TMEM52B: variants seen among roughly 807,000 people sequenced by gnomAD.
The protein encoded by TMEM52B is transmembrane protein 52B.
A neutral mutation model predicts 16.1 loss-of-function variants in TMEM52B; 11 were observed. The ratio of observed to expected loss-of-function variants is 0.68; its 90% CI spans 0.43 to 1.13. TMEM52B has a LOEUF of 1.13. Among genes scored for constraint, TMEM52B ranks in the 50% most tolerant of loss-of-function variants. The pLI is 0.00. For synonymous variants in TMEM52B, 101 were observed against 93.8 expected, an observed-to-expected ratio of 1.08 and a Z score of -0.45; for missense variants, 243 against 230.4, an observed-to-expected ratio of 1.05 and a Z score of -0.35.
At chr12:10,182,229 A>G in intron 1 of TMEM52B, 42 of 985,262 alleles carry the variant, frequency 4.3e-5, no homozygotes, top group Non-Finnish European at 5.1e-5. Flanking sequence ...CAATGGCAAT[A>G]TCCCAAGGGA....
chr12:10,172,056 T>A (rs1193435510), intron 1 of TMEM52B: 1 of 1,613,718 alleles, frequency 6.2e-7, no homozygotes, highest in Non-Finnish European at 8.5e-7. Flanking sequence ...ACAGTCTGGA[T>A]CTTTAGGTCA....
intron 1 of TMEM52B, among the ~76,000 whole-genome samples, chr12:10,181,043 G>A (rs555490844): frequency 6.6e-6 from 1 of 152,222 alleles, no homozygotes; most frequent in African/African-American, 2.4e-5. Context: ...CTGACCTCAA[G>A]TGATCCACCC....
At chr12:10,180,939 G>C (rs1483597558) in intron 1 of TMEM52B, among the ~76,000 whole-genome samples, 1 of 152,160 alleles carries the variant, frequency 6.6e-6, no homozygotes, top group Non-Finnish European at 1.5e-5. Context: ...CCAAGTAGCA[G>C]GGATTGCAGG....
In TMEM52B at chr12:10,191,084, G is replaced by C. The variant is rs1455242254; in HGVS notation, c.*944G>C. On this transcript the variant is annotated 3_prime_UTR_variant, in exon 5 of 5. Coordinates refer to ENST00000543484, the MANE Select transcript of TMEM52B (RefSeq NM_001384896.1). ...ATGCTGAACTAAGCCTGGTTGAGAT[G>C]CTTCCCATGGACCATGCCGCAGCAC... is the stretch of plus-strand genomic sequence containing the variant. 2 of 152,226 alleles carry C rather than the reference G, an allele frequency of 1.3e-5. No homozygotes were observed. The highest frequency in any genetic ancestry group is 6.5e-5 in the Admixed American group (1 of 15,278). The allele number at this position is 152,226 out of a possible 1,614,324, so 9.4% of individuals were successfully genotyped here. A position where few individuals can be genotyped will look rare whatever the true frequency, so the allele number is the denominator to read the frequency against.
intron 3 of TMEM52B, among the ~76,000 whole-genome samples, chr12:10,186,110 G>A (rs1263705822): frequency 2.0e-5 from 3 of 151,690 alleles, no homozygotes; most frequent in Admixed American, 6.6e-5. Context: ...GGCTGAGATC[G>A]TGCCACTTCA....
Position 10,189,978 on chromosome 12 carries a change from C to G in TMEM52B, c.390C>G (p.Ser130=). The G allele has an allele frequency of 3.1e-6, 5 of 1,614,184 alleles. No homozygotes were observed. Among genetic ancestry groups the G allele is most frequent in the Non-Finnish European group, 4.2e-6 (5 of 1,180,046 alleles). ...HSHSSLGQLP[S]SLDTLPGYEE... ...ACAGCTCCCTGGGCCAGCTGCCCTC[C>G]TCTTTGGACACCCTCCCAGGGTATG... The change falls in exon 5 of 5, where the codon TCC becomes TCG. Residue 130 remains serine (S), a synonymous_variant. Transcript: ENST00000543484.
chr12:10,187,532 G>T lies in TMEM52B; in HGVS notation c.307+943G>T, dbSNP rs948958242. Among the ~76,000 whole-genome samples the T allele has an allele frequency of 2.0e-5, 3 of 152,170 alleles. No homozygotes were observed. The South Asian group carries it at 6.2e-4, about 32-fold the overall frequency. ...AGATTCTCATGCCTCAGCCTCCTGAGTAGCTGGGATTACAAGCAGCCACCA... is the reference window on the plus strand; with the variant it reads ...AGATTCTCATGCCTCAGCCTCCTGATTAGCTGGGATTACAAGCAGCCACCA... On this transcript the variant is annotated intron_variant, in intron 4 of 4. Coordinates refer to ENST00000543484, the MANE Select transcript of TMEM52B (RefSeq NM_001384896.1).
rs1315236368 is a variant in TMEM52B, at chr12:10,190,398, G to A, written c.*258G>A. The A allele has an allele frequency of 6.8e-6, 3 of 440,712 alleles. No individual in the cohort carries two copies. The highest frequency in any genetic ancestry group is 4.0e-5 in the African/African-American group (2 of 50,380). 27.3% of individuals were successfully genotyped at this position (440,712 alleles called of 1,614,324 possible). A position where few individuals can be genotyped will look rare whatever the true frequency, so the allele number is the denominator to read the frequency against. On this transcript the variant is annotated 3_prime_UTR_variant, in exon 5 of 5. Transcript: ENST00000543484. ...GCCACACTGATTACTACTAAACCAGGAAAGCATCAAGGTGTCTTGAATTCC... is the reference window on the plus strand; with the variant it reads ...GCCACACTGATTACTACTAAACCAGAAAAGCATCAAGGTGTCTTGAATTCC...
At chr12:10,177,404 A>G (rs1184253047), upstream of TMEM52B, among the ~76,000 whole-genome samples, 1 of 152,146 alleles carries the variant, frequency 6.6e-6, no homozygotes, top group East Asian at 1.9e-4. Flanking sequence ...CCCATCATCA[A>G]GCTATGTGTG....
At chr12:10,177,524 C>A (rs1259500306), upstream of TMEM52B, among the ~76,000 whole-genome samples, 1 of 152,034 alleles carries the variant, frequency 6.6e-6, no homozygotes, top group Non-Finnish European at 1.5e-5. Context: ...TTATTCAATT[C>A]TTATGAGATA....
chr12:10,183,660 A>AT (rs56737647), intron 2 of TMEM52B, among the ~76,000 whole-genome samples: 188 of 150,644 alleles, frequency 1.2e-3, no homozygotes, highest in African/African-American at 2.9e-3. Context: ...TACAATCCCT[A>AT]TTTTTTTTTC....
intron 4 of TMEM52B, among the ~76,000 whole-genome samples, chr12:10,188,144 C>A (rs1356941222): frequency 6.6e-6 from 1 of 152,066 alleles, no homozygotes; most frequent in Non-Finnish European, 1.5e-5. Flanking sequence ...TGATGTGTTG[C>A]TGTTCACCTT....
At chr12:10,185,868 T>C (rs557277338) in intron 3 of TMEM52B, among the ~76,000 whole-genome samples, 1 of 152,030 alleles carries the variant, frequency 6.6e-6, no homozygotes, top group East Asian at 1.9e-4. Flanking sequence ...CTGGAGAAAC[T>C]CCGTCTCTAC....
Position 10,185,326 on chromosome 12 carries a change from A to G in TMEM52B, c.99-4A>G. The G allele has an allele frequency of 1.2e-6, 2 of 1,600,796 alleles. No homozygotes were observed. The highest frequency in any genetic ancestry group is 2.2e-5 in the South Asian group (2 of 90,814). ...ATGTAGAAAACTTTATTCTTTCTTT[A>G]TAGTTGCCTGACCACAGACTGGGTA... is the stretch of plus-strand genomic sequence containing the variant. On this transcript the variant is annotated splice_polypyrimidine_tract_variant and splice_region_variant and intron_variant, in intron 2 of 4. Coordinates refer to ENST00000543484, the MANE Select transcript of TMEM52B (RefSeq NM_001384896.1).
upstream of TMEM52B, among the ~76,000 whole-genome samples, chr12:10,174,500 AC>A (rs1320920592): frequency 6.6e-6 from 1 of 152,178 alleles, no homozygotes; most frequent in Non-Finnish European, 1.5e-5. Context: ...GGCCTAAAGA[AC>A]AAAAAGCTTC....
At chr12:10,177,410 G>A (rs372310665), upstream of TMEM52B, among the ~76,000 whole-genome samples, 13 of 152,052 alleles carry the variant, frequency 8.5e-5, no homozygotes, top group African/African-American at 3.1e-4. Flanking sequence ...ATCAAGCTAT[G>A]TGTGAGGACC....
At chr12:10,178,834 G>A (rs908613325), upstream of TMEM52B, among the ~76,000 whole-genome samples, 14 of 152,166 alleles carry the variant, frequency 9.2e-5, no homozygotes, top group African/African-American at 3.4e-4. Context: ...CTAATCTTCC[G>A]ACTTGATTTC....
upstream of TMEM52B, among the ~76,000 whole-genome samples, chr12:10,178,463 C>T (rs909695163): frequency 6.8e-6 from 1 of 147,576 alleles, no homozygotes; most frequent in Non-Finnish European, 1.5e-5. Context: ...GCAGAGTTTG[C>T]AGTGAGCCGA....
intron 4 of TMEM52B, among the ~76,000 whole-genome samples, chr12:10,189,480 T>C (rs1175244527): frequency 1.3e-5 from 2 of 150,992 alleles, no homozygotes; most frequent in African/African-American, 4.9e-5. Flanking sequence ...AAAAATTACC[T>C]GGGCATGGTG....
Sources: allele counts gnomAD v4.1 joint callset (sites outside exome capture counted in the v4.1 genomes callset), GRCh38; gene constraint gnomAD v4.1.1; transcripts MANE v1.5; gene names NCBI Gene and HGNC (gene_info 2026-07-23, HGNC 2026-07-21).